Variants in TRAPPC9 observed in about 807,000 individuals in gnomAD.
TRAPPC9 encodes the protein IKK2 binding protein.
A neutral mutation model predicts 124.0 loss-of-function variants in TRAPPC9; 83 were observed. The ratio of observed to expected loss-of-function variants is 0.67; its 90% CI spans 0.56 to 0.80. TRAPPC9 has a LOEUF of 0.80. Ranked by LOEUF, TRAPPC9 falls within the 30% of genes least tolerant of loss-of-function variation. TRAPPC9 has a pLI of 0.00. For synonymous variants in TRAPPC9, 638 were observed against 617.5 expected (o/e 1.03, Z -0.49); for missense variants, 1,302 against 1,508.3 (o/e 0.86, Z 2.27).
At chr8:140,025,441 C>T (rs1282999198) in intron 17 of TRAPPC9, among the ~76,000 whole-genome samples, 1 of 151,954 alleles carries the variant, frequency 6.6e-6, no homozygotes, top group African/African-American at 2.4e-5. Flanking sequence ...GCTTAAAATA[C>T]TATGTGGACC....
chr8:140,131,619 C>A (rs929483013), intron 17 of TRAPPC9, among the ~76,000 whole-genome samples: 1 of 152,162 alleles, frequency 6.6e-6, no homozygotes, highest in Non-Finnish European at 1.5e-5. Context: ...TCCTAGACAA[C>A]CCTGCCACCG....
intron 1 of TRAPPC9, among the ~76,000 whole-genome samples, chr8:140,452,475 G>C (rs958149114): frequency 6.6e-6 from 1 of 150,704 alleles, no homozygotes; most frequent in Non-Finnish European, 1.5e-5. Flanking sequence ...TTATAAAACT[G>C]TATCTAGATT....
rs1188796925 is a variant in TRAPPC9 at position 140,232,340 on chromosome 8, T to C, written c.2432-10757A>G. On this transcript the variant is annotated intron_variant, in intron 16 of 22. Transcript: ENST00000438773. Reference sequence around the variant, plus strand: ...GGCCAAGCAGAAGGCAGGTAACTTCTTGGCCAAGATCTTGGGGAGCAAGTG... The same window carrying C: ...GGCCAAGCAGAAGGCAGGTAACTTCCTGGCCAAGATCTTGGGGAGCAAGTG... Among the ~76,000 whole-genome samples the C allele has an allele frequency of 2.6e-5, 4 of 152,002 alleles. No individual in the cohort carries two copies. The East Asian group carries it at 5.8e-4, about 22-fold the overall frequency.
intron 15 of TRAPPC9, among the ~76,000 whole-genome samples, chr8:140,263,971 C>A (rs2064523195): frequency 6.6e-6 from 1 of 152,142 alleles, no homozygotes; most frequent in Admixed American, 6.5e-5. Context: ...GGAACTGAAT[C>A]CTTTCCCCCG....
At chr8:140,277,228 G>C (rs1480074242) in intron 14 of TRAPPC9, among the ~76,000 whole-genome samples, 2 of 152,218 alleles carry the variant, frequency 1.3e-5, no homozygotes, top group East Asian at 3.8e-4. Context: ...TTTCCTGGGG[G>C]CTTCCAGATA....
chr8:139,953,079 A>G (rs1409523362), intron 19 of TRAPPC9, among the ~76,000 whole-genome samples: 1 of 152,220 alleles, frequency 6.6e-6, no homozygotes, highest in Admixed American at 6.5e-5. Flanking sequence ...GAGGCAGAGG[A>G]CACGATGGAA....
At chr8:140,134,873 TAAAAA>T (rs2061273728) in intron 17 of TRAPPC9, among the ~76,000 whole-genome samples, 2 of 152,072 alleles carry the variant, frequency 1.3e-5, no homozygotes, top group South Asian at 4.1e-4. Context: ...ATCAAGAAAA[TAAAAA>T]GATAGTCTAC....
intron 5 of TRAPPC9, among the ~76,000 whole-genome samples, chr8:140,415,754 A>G (rs1483152856): frequency 6.6e-6 from 1 of 152,128 alleles, no homozygotes; most frequent in African/African-American, 2.4e-5. Flanking sequence ...AGATCACTTG[A>G]GGCCAGGAGT....
At chr8:140,155,982 G>C (rs1002369173) in intron 17 of TRAPPC9, among the ~76,000 whole-genome samples, 1 of 152,186 alleles carries the variant, frequency 6.6e-6, no homozygotes, top group Non-Finnish European at 1.5e-5. Context: ...GAGGGGAAGG[G>C]AGTGGTGAGG....
At chr8:140,403,167 G>A (rs1488760862) in intron 6 of TRAPPC9, among the ~76,000 whole-genome samples, 3 of 152,136 alleles carry the variant, frequency 2.0e-5, no homozygotes, top group Non-Finnish European at 2.9e-5. Flanking sequence ...AGTGGCCAAC[G>A]CCTGTAATCC....
chr8:139,965,170 C>T (rs1327023541), intron 19 of TRAPPC9, among the ~76,000 whole-genome samples: 1 of 152,218 alleles, frequency 6.6e-6, no homozygotes, highest in Non-Finnish European at 1.5e-5. Flanking sequence ...AGGATGACGG[C>T]CCATTCATCT....
At chr8:139,838,018 C>T (rs1826470990) in intron 21 of TRAPPC9, among the ~76,000 whole-genome samples, 1 of 152,186 alleles carries the variant, frequency 6.6e-6, no homozygotes, top group South Asian at 2.1e-4. Context: ...CCAAAGCCTT[C>T]GACGCCCCTG....
intron 2 of TRAPPC9, among the ~76,000 whole-genome samples, chr8:140,450,545 A>T (rs2071419064): frequency 6.6e-6 from 1 of 152,142 alleles, no homozygotes; most frequent in African/African-American, 2.4e-5. Flanking sequence ...CACTAAAAAG[A>T]GGGGAGTGTA....
intron 11 of TRAPPC9, among the ~76,000 whole-genome samples, chr8:140,294,925 T>C (rs929851297): frequency 6.6e-6 from 1 of 152,212 alleles, no homozygotes; most frequent in Non-Finnish European, 1.5e-5. Context: ...AAAGTGATTT[T>C]TGCTGAAAGA....
chr8:140,298,378 C>T (rs981152098), intron 11 of TRAPPC9, among the ~76,000 whole-genome samples: 3 of 152,286 alleles, frequency 2.0e-5, no homozygotes, highest in Non-Finnish European at 2.9e-5. Flanking sequence ...GCTGGCTGGA[C>T]GCAGAGGTCC....
chr8:139,959,413 T>A (rs1334192940), intron 19 of TRAPPC9, among the ~76,000 whole-genome samples: 2 of 152,150 alleles, frequency 1.3e-5, no homozygotes, highest in African/African-American at 4.8e-5. Context: ...TAGGTCATTA[T>A]CCCCATTTTA....
chr8:140,086,009 C>G (rs1048582087), intron 17 of TRAPPC9, among the ~76,000 whole-genome samples: 1 of 151,932 alleles, frequency 6.6e-6, no homozygotes, highest in Non-Finnish European at 1.5e-5. Flanking sequence ...CAGACTTGCA[C>G]ACACAACTCT....
intron 5 of TRAPPC9, among the ~76,000 whole-genome samples, chr8:140,419,444 A>C (rs931510418): frequency 2.0e-4 from 29 of 146,288 alleles, no homozygotes; most frequent in Non-Finnish European, 3.0e-4. Context: ...AAAAAAAAAA[A>C]AAAAAAAACA....
At chr8:140,147,526 A>G (rs1563796967) in intron 17 of TRAPPC9, among the ~76,000 whole-genome samples, 1 of 152,214 alleles carries the variant, frequency 6.6e-6, no homozygotes, top group Non-Finnish European at 1.5e-5. Context: ...CCTTTCTCAT[A>G]AGTAGCCATA....
Sources: gnomAD v4.1 joint callset for allele counts (sites outside exome capture counted in the v4.1 genomes callset) on GRCh38, gnomAD v4.1.1 for gene constraint, MANE v1.5 for transcripts, NCBI Gene and HGNC (gene_info 2026-07-23, HGNC 2026-07-21) for gene names.